COMMD1: variants seen among roughly 807,000 people sequenced by gnomAD.
The protein encoded by COMMD1 is COMM domain-containing protein 1.
Under a neutral mutation model 17.2 loss-of-function variants are expected in COMMD1, and 10 were observed. That is an observed-to-expected ratio of 0.58 (90% CI 0.36 to 0.99). The LOEUF is 0.99. COMMD1 is among the 50% of genes least tolerant of loss of function. The pLI is 0.01. For synonymous variants in COMMD1, 97 were observed against 91.6 expected, an observed-to-expected ratio of 1.06 and a Z score of -0.34; for missense variants, 270 against 231.8, an observed-to-expected ratio of 1.17 and a Z score of -1.07.
chr2:62,081,756 T>C (rs1481677693), intron 2 of COMMD1, among the ~76,000 whole-genome samples: 1 of 152,222 alleles, frequency 6.6e-6, no homozygotes, highest in East Asian at 1.9e-4. Flanking sequence ...ATTACAGGAA[T>C]TTAAAATCTA....
chr2:61,911,393 T>G (rs1340394644), intron 1 of COMMD1, among the ~76,000 whole-genome samples: 5 of 151,994 alleles, frequency 3.3e-5, no homozygotes, highest in Non-Finnish European at 5.9e-5. Context: ...GGAGAATGGC[T>G]TGAACCTGGG....
chr2:62,124,166 A>G (rs1208512702), intron 2 of COMMD1, among the ~76,000 whole-genome samples: 1 of 152,038 alleles, frequency 6.6e-6, no homozygotes, highest in African/African-American at 2.4e-5. Flanking sequence ...GTATGGTGGC[A>G]CACACACCTG....
At chr2:61,968,029 C>T (rs887970788) in intron 1 of COMMD1, among the ~76,000 whole-genome samples, 1 of 152,042 alleles carries the variant, frequency 6.6e-6, no homozygotes, top group Non-Finnish European at 1.5e-5. Flanking sequence ...GGCGTGGTGG[C>T]GTGTGCCTGT....
chr2:61,896,461 G>T (rs1343548883), intron 1 of COMMD1, among the ~76,000 whole-genome samples: 2 of 152,058 alleles, frequency 1.3e-5, no homozygotes, highest in African/African-American at 4.8e-5. Flanking sequence ...TGCACCTGTA[G>T]TCCTAGCTAC....
At chr2:62,084,057 G>T (rs1671595384) in intron 2 of COMMD1, among the ~76,000 whole-genome samples, 1 of 152,132 alleles carries the variant, frequency 6.6e-6, no homozygotes, top group Admixed American at 6.5e-5. Context: ...TTCCTGGGTT[G>T]TTTTTGTATT....
chr2:62,127,176 G>T (rs1309669528), intron 2 of COMMD1, among the ~76,000 whole-genome samples: 1 of 152,148 alleles, frequency 6.6e-6, no homozygotes, highest in Non-Finnish European at 1.5e-5. Context: ...CAAGGGAAAT[G>T]AAGGACCTCT....
chr2:61,910,302 G>T (rs1414965672), intron 1 of COMMD1, among the ~76,000 whole-genome samples: 5 of 151,684 alleles, frequency 3.3e-5, no homozygotes, highest in Non-Finnish European at 7.4e-5. Flanking sequence ...CCAGGCTGGA[G>T]TGCGGTGGCT....
intron 2 of COMMD1, among the ~76,000 whole-genome samples, chr2:62,016,606 A>G (rs971798282): frequency 6.7e-5 from 10 of 149,086 alleles, no homozygotes; most frequent in African/African-American, 2.5e-4. Context: ...TTTTAAATGT[A>G]TTCAGGATAT....
At chr2:62,113,086 C>A (rs1672497419) in intron 2 of COMMD1, among the ~76,000 whole-genome samples, 2 of 152,076 alleles carry the variant, frequency 1.3e-5, no homozygotes, top group Admixed American at 6.5e-5. Flanking sequence ...TGGCCCATGC[C>A]TGTAGTCCCC....
At chr2:61,939,068 T>G (rs1013880714) in intron 1 of COMMD1, among the ~76,000 whole-genome samples, 1 of 152,246 alleles carries the variant, frequency 6.6e-6, no homozygotes, top group Admixed American at 6.5e-5. Flanking sequence ...CCTTTTCTAT[T>G]AAAGAGAAAT....
chr2:61,946,369 G>A (rs1448628236), intron 1 of COMMD1, among the ~76,000 whole-genome samples: 2 of 152,146 alleles, frequency 1.3e-5, no homozygotes, highest in Non-Finnish European at 2.9e-5. Context: ...AAGGCAAAAT[G>A]TCAAAAGGTT....
At chr2:62,023,474 A>G (rs953215822) in intron 2 of COMMD1, among the ~76,000 whole-genome samples, 5 of 151,846 alleles carry the variant, frequency 3.3e-5, no homozygotes, top group Non-Finnish European at 7.4e-5. Flanking sequence ...ATATATGCAA[A>G]TATTTACTGT....
chr2:61,889,887 C>T (rs978874975), intron 1 of COMMD1, among the ~76,000 whole-genome samples: 1 of 152,126 alleles, frequency 6.6e-6, no homozygotes, highest in Non-Finnish European at 1.5e-5. Context: ...AACCTTTACA[C>T]GTTTTATATC....
At chr2:61,900,110 T>C (rs764881393) in intron 1 of COMMD1, among the ~76,000 whole-genome samples, 6 of 152,220 alleles carry the variant, frequency 3.9e-5, no homozygotes, top group African/African-American at 7.2e-5. Flanking sequence ...TCAGGGCCAA[T>C]GTGACTGATC....
At chr2:61,933,480 G>GGT (rs1670523038) in intron 1 of COMMD1, among the ~76,000 whole-genome samples, 1 of 151,946 alleles carries the variant, frequency 6.6e-6, no homozygotes, top group Non-Finnish European at 1.5e-5. Context: ...CAGGCTTAAG[G>GGT]GTGGGGTTTA....
At chr2:61,921,454 G>GTT (rs1332744951) in intron 1 of COMMD1, among the ~76,000 whole-genome samples, 1 of 151,438 alleles carries the variant, frequency 6.6e-6, no homozygotes, top group African/African-American at 2.4e-5. Flanking sequence ...TTTTGTTTTT[G>GTT]TTTTTTTGAG....
chr2:62,074,998 T>G (rs1040401898), intron 2 of COMMD1, among the ~76,000 whole-genome samples: 24 of 149,642 alleles, frequency 1.6e-4, no homozygotes, highest in African/African-American at 5.4e-4. Context: ...CAAGCGATTC[T>G]CCTGCCTCAG....
At chr2:62,130,555 G>A (rs995471830) in intron 2 of COMMD1, among the ~76,000 whole-genome samples, 5 of 152,160 alleles carry the variant, frequency 3.3e-5, no homozygotes, top group Non-Finnish European at 7.4e-5. Context: ...CATTGCCAAT[G>A]TTGTATTATA....
At chr2:62,018,768 G>A (rs989265486) in intron 2 of COMMD1, among the ~76,000 whole-genome samples, 14 of 152,170 alleles carry the variant, frequency 9.2e-5, no homozygotes, top group Admixed American at 4.6e-4. Flanking sequence ...AGGTGTCTTA[G>A]TGTGTTTTGT....
Sources: allele counts gnomAD v4.1 joint callset (sites outside exome capture counted in the v4.1 genomes callset), GRCh38; gene constraint gnomAD v4.1.1; transcripts MANE v1.5; gene names NCBI Gene and HGNC (gene_info 2026-07-23, HGNC 2026-07-21).